ARHGEF10: variants seen among roughly 807,000 people sequenced by gnomAD.
ARHGEF10 encodes Rho guanine nucleotide exchange factor 10, also known as Rho guanine nucleotide exchange factor (GEF) 10.
ARHGEF10 carries 140 observed loss-of-function variants against 147.4 expected under a neutral mutation model. The ratio of observed to expected loss-of-function variants is 0.95; its 90% CI spans 0.83 to 1.09. ARHGEF10 has a LOEUF of 1.09. ARHGEF10 is among the 50% of genes least tolerant of loss of function. The pLI, the probability that ARHGEF10 is intolerant of heterozygous loss-of-function variation, is 0.00. For synonymous variants in ARHGEF10, 902 were observed against 695.8 expected (o/e 1.30, Z -4.67); for missense variants, 2,222 against 1,752.7 (o/e 1.27, Z -4.78).
At chr8:1,955,755 A>T (rs1026713493) in intron 28 of ARHGEF10, among the ~76,000 whole-genome samples, 47 of 152,366 alleles carry the variant, frequency 3.1e-4, no homozygotes, top group African/African-American at 1.1e-3. Context: ...ATTACACATC[A>T]AGCCTCTGTA....
chr8:1,863,879 G>GA (rs1806358886), intron 4 of ARHGEF10, among the ~76,000 whole-genome samples: 1 of 151,660 alleles, frequency 6.6e-6, no homozygotes, highest in African/African-American at 2.4e-5. Flanking sequence ...GTGTGCCAGT[G>GA]AAAGCTGGTG....
intron 18 of ARHGEF10, among the ~76,000 whole-genome samples, chr8:1,911,911 C>T (rs17683148): frequency 0.014 from 2,171 of 152,296 alleles, 29 homozygotes; most frequent in Middle Eastern, 0.041. Flanking sequence ...TTGTTTCTTC[C>T]GGTTCTCTTG....
intron 18 of ARHGEF10, among the ~76,000 whole-genome samples, chr8:1,914,873 G>T (rs1279044309): frequency 6.6e-6 from 1 of 152,200 alleles, no homozygotes; most frequent in African/African-American, 2.4e-5. Context: ...CTGGCCAAAG[G>T]TAGCAGGGAG....
At chr8:1,856,342 G>C (rs919708481) in intron 2 of ARHGEF10, among the ~76,000 whole-genome samples, 1 of 152,220 alleles carries the variant, frequency 6.6e-6, no homozygotes, top group Non-Finnish European at 1.5e-5. Flanking sequence ...GTCATGGTCA[G>C]CTGGGGGTCT....
chr8:1,892,745 GT>G (rs1809648659), intron 11 of ARHGEF10, among the ~76,000 whole-genome samples: 1 of 152,044 alleles, frequency 6.6e-6, no homozygotes, highest in Non-Finnish European at 1.5e-5. Context: ...CCGGGCGTGT[GT>G]TCATATGCGG....
chr8:1,956,755 G>T lies in ARHGEF10; in HGVS notation c.3527G>T (p.Gly1176Val), dbSNP rs771524266. 1 of 1,613,806 alleles carries T rather than the reference G, an allele frequency of 6.2e-7. No homozygotes were observed. Among genetic ancestry groups the T allele is most frequent in the Non-Finnish European group, 8.5e-7 (1 of 1,179,968 alleles). The change falls in exon 29 of 29, where the codon GGC (glycine) becomes GTC (valine). Residue 1176 changes from glycine to valine, a missense_variant. Transcript: ENST00000349830. Reference sequence around the variant, plus strand: ...GAACTGTTTCCCTTTTCAGGAAGAGGCATGGTCTCCTACCATGCACACAAC... The same window carrying T: ...GAACTGTTTCCCTTTTCAGGAAGAGTCATGGTCTCCTACCATGCACACAAC... ...LQGIPKVTGRGMVSYHAHNSP... is the reference protein window; with the variant it reads ...LQGIPKVTGRVMVSYHAHNSP...
intron 25 of ARHGEF10, 147 bp downstream of exon 25, chr8:1,929,590 C>T: frequency 2.1e-6 from 2 of 938,272 alleles, no homozygotes; most frequent in Non-Finnish European, 3.1e-6. Flanking sequence ...TGCCCAAGGC[C>T]CGGGTGCCTT....
intron 11 of ARHGEF10, among the ~76,000 whole-genome samples, chr8:1,886,345 C>T (rs1473154642): frequency 2.6e-5 from 4 of 152,118 alleles, no homozygotes; most frequent in Non-Finnish European, 2.9e-5. Flanking sequence ...ATCATGGACA[C>T]CAGGATGGAT....
In ARHGEF10 at chr8:1,928,358, C is replaced by T. The variant is rs1812842197; in HGVS notation, c.2698-69C>T. On this transcript the variant is annotated intron_variant, in intron 23 of 28. Coordinates refer to ENST00000349830, the MANE Select transcript of ARHGEF10 (RefSeq NM_014629.4). ...GAAGCTTGTCGTGGCCTTTAAGGGT[C>T]AGGTTCCAGCGTATTATGGAAGCCG... The T allele has an allele frequency of 2.1e-6, 3 of 1,434,908 alleles. No individual in the cohort carries two copies. The South Asian group carries it at 3.4e-5, about 16-fold the overall frequency. 88.9% of individuals were successfully genotyped at this position (1,434,908 alleles called of 1,614,324 possible).
intron 9 of ARHGEF10, among the ~76,000 whole-genome samples, chr8:1,880,377 G>T (rs192694351): frequency 3.7e-4 from 56 of 152,330 alleles, no homozygotes; most frequent in African/African-American, 1.3e-3. Context: ...GAACATTCTG[G>T]AGGCTCCACA....
At chr8:1,884,432 C>G (rs1808485716) in intron 10 of ARHGEF10, among the ~76,000 whole-genome samples, 1 of 151,620 alleles carries the variant, frequency 6.6e-6, no homozygotes. Flanking sequence ...CCTAACCTCC[C>G]AACCCGAGTT....
At chr8:1,866,886 G>A (rs56224057) in intron 6 of ARHGEF10, among the ~76,000 whole-genome samples, 125 of 152,052 alleles carry the variant, frequency 8.2e-4, no homozygotes, top group African/African-American at 2.9e-3. Flanking sequence ...AGTGAGATAT[G>A]TGGGTAACAG....
chr8:1,929,306 G>A lies in ARHGEF10; in HGVS notation c.2942G>A (p.Ser981Asn), dbSNP rs1169311946. Residue 981 changes from serine to asparagine, a missense_variant, in exon 25 of 29, where the codon AGT becomes AAT. Ser to Asn is a conservative substitution (Grantham distance 46). Transcript: ENST00000349830. ...EEGSISIYKSSQGSKKVRLQH... is the reference protein window; with the variant it reads ...EEGSISIYKSNQGSKKVRLQH... ...TAAAGCATTTCCATTTATAAAAGCA[G>A]TCAAGGCTCCAAGAAAGTGAGACTT... 1.2e-6 allele frequency: 2 copies of A among 1,614,138 alleles called. No individual in the cohort carries two copies. Among genetic ancestry groups the A allele is most frequent in the East Asian group, 4.5e-5 (2 of 44,886 alleles).
Position 1,957,401 on chromosome 8 carries a change from T to G in ARHGEF10, c.*138T>G. 4.9e-6 allele frequency: 6 copies of G among 1,237,032 alleles called. No homozygotes were observed. The highest frequency in any genetic ancestry group is 6.7e-6 in the Non-Finnish European group (6 of 889,004). The allele number at this position is 1,237,032 out of a possible 1,614,324, so 76.6% of individuals were successfully genotyped here. ...CAGTATTTGGGGGAGAAACGTGCAA[T>G]AGCGTAATGGTGGTGTCCCTGCCAA... On this transcript the variant is annotated 3_prime_UTR_variant, in exon 29 of 29. Coordinates refer to ENST00000349830, the MANE Select transcript of ARHGEF10 (RefSeq NM_014629.4).
At chr8:1,854,306 C>T (rs1025366623) in intron 2 of ARHGEF10, among the ~76,000 whole-genome samples, 6 of 152,294 alleles carry the variant, frequency 3.9e-5, no homozygotes, top group South Asian at 4.1e-4. Context: ...CAGCTCCAGG[C>T]GGCCTCGCCC....
chr8:1,923,832 G>A lies in ARHGEF10; in HGVS notation c.2446G>A (p.Glu816Lys). The change falls in exon 21 of 29, where the codon GAG (glutamate) becomes AAG (lysine). Residue 816 changes from glutamate (E) to lysine (K), a missense_variant. By Grantham distance (56) the Glu-to-Lys change is moderately conservative (BLOSUM62 1). Transcript: ENST00000349830. ...CAATACGTTCACCCCTGCCATCAAG[G>A]AGTCCTGGGTCAACAGCTTACAGAT... ...VFNTFTPAIK[E>K]SWVNSLQMAK... 6.2e-7 allele frequency: 1 copy of A among 1,614,158 alleles called. No homozygotes were observed. The highest frequency in any genetic ancestry group is 1.1e-5 in the South Asian group (1 of 91,080).
chr8:1,838,154 G>A (rs999565517), intron 1 of ARHGEF10, among the ~76,000 whole-genome samples: 1 of 152,170 alleles, frequency 6.6e-6, no homozygotes, highest in East Asian at 1.9e-4. Flanking sequence ...CACCGGGGGT[G>A]CCGGGGGTGC....
chr8:1,834,845 C>T (rs1033138715), intron 1 of ARHGEF10, among the ~76,000 whole-genome samples: 1 of 152,218 alleles, frequency 6.6e-6, no homozygotes. Flanking sequence ...TTTCCTGGCT[C>T]CCGTGGTGCA....
chr8:1,901,275 G>A (rs143881733), intron 15 of ARHGEF10, among the ~76,000 whole-genome samples: 2 of 152,032 alleles, frequency 1.3e-5, no homozygotes, highest in African/African-American at 4.8e-5. Flanking sequence ...AGACAGTGTG[G>A]AGAGGCCTGG....
Sources: gnomAD v4.1 joint callset for allele counts (sites outside exome capture counted in the v4.1 genomes callset) on GRCh38, gnomAD v4.1.1 for gene constraint, MANE v1.5 for transcripts, NCBI Gene and HGNC (gene_info 2026-07-23, HGNC 2026-07-21) for gene names.